DMXL2: variants seen among roughly 807,000 people sequenced by gnomAD.
The protein encoded by DMXL2 is Dmx like 2.
Under a neutral mutation model 331.1 loss-of-function variants are expected in DMXL2, and 103 were observed. The observed-to-expected ratio is 0.31, with a 90% CI of 0.27 to 0.37. The LOEUF (loss-of-function observed/expected upper bound fraction) is 0.37, where lower values mean the gene tolerates loss of function less well. DMXL2 is among the 10% of genes least tolerant of loss of function. The pLI, the probability that DMXL2 is intolerant of heterozygous loss-of-function variation, is 1.00. For missense variants in DMXL2, 3,171 were observed against 3,642.9 expected (o/e 0.87, Z 3.33); for synonymous variants, 1,281 against 1,252.1 (o/e 1.02, Z -0.49).
chr15:51,509,796 G>A (rs1031434531), intron 15 of DMXL2, among the ~76,000 whole-genome samples: 9 of 152,002 alleles, frequency 5.9e-5, no homozygotes, highest in African/African-American at 2.2e-4. Context: ...ACATCAATGC[G>A]AAAAACCTCA....
chr15:51,609,398 A>G (rs1215549785), intron 1 of DMXL2, among the ~76,000 whole-genome samples: 1 of 152,238 alleles, frequency 6.6e-6, no homozygotes, highest in Non-Finnish European at 1.5e-5. Context: ...TGTGCCACGT[A>G]ACATTCTACA....
Position 51,449,109 on chromosome 15 carries a change from C to T in DMXL2, c.9052G>A (p.Gly3018Arg). The change falls in exon 44 of 44, where the codon GGA becomes AGA. Residue 3018 changes from glycine (G) to arginine (R), a missense_variant. Gly to Arg is a moderately radical substitution (Grantham distance 125, BLOSUM62 -2). This residue lies in a region of DMXL2 where 766 missense variants were observed against 940.5 expected (regional missense o/e 0.81). Coordinates refer to ENST00000560891, the MANE Select transcript of DMXL2 (RefSeq NM_001378457.1). Reference protein sequence around the residue: ...KQSIFRNIGAGVMQIDIIQGN... With the variant: ...KQSIFRNIGARVMQIDIIQGN... ...TGGATGATGTCAATCTGCATGACTC[C>T]AGCCCCAATGTTTCGAAATATGGAC... 6.2e-7 allele frequency: 1 copy of T among 1,614,210 alleles called. No homozygotes were observed. The highest frequency in any genetic ancestry group is 8.5e-7 in the Non-Finnish European group (1 of 1,180,044).
At chr15:51,534,573 T>C (rs1391101085) in intron 13 of DMXL2, among the ~76,000 whole-genome samples, 2 of 152,162 alleles carry the variant, frequency 1.3e-5, no homozygotes, top group Non-Finnish European at 2.9e-5. Flanking sequence ...CAGAGGGGAA[T>C]AAAGCATCAG....
Position 51,514,458 on chromosome 15 carries a change from A to C in DMXL2, c.2628T>G (p.Phe876Leu), listed in dbSNP as rs769349376. ...EDMEKKETEI[F>L]FQPSQGYRPP... ...TTAAAGTACCTTGTGATGGCTGAAA[A>C]AATATTTCTGTTTCCTTTTTCTCCA... is the stretch of plus-strand genomic sequence containing the variant. Residue 876 changes from phenylalanine to leucine, a missense_variant, in exon 15 of 44, where the codon TTT becomes TTG. By Grantham distance (22) the Phe-to-Leu change is conservative. Transcript: ENST00000560891. 3 of 1,564,094 alleles carry C rather than the reference A, an allele frequency of 1.9e-6. No homozygotes were observed. In the Admixed American group the frequency reaches 5.5e-5, roughly 29 times the overall value.
At chr15:51,616,745 T>A (rs9920124) in intron 1 of DMXL2, among the ~76,000 whole-genome samples, 72,215 of 151,772 alleles carry the variant, frequency 0.48, 17,582 homozygotes, top group Non-Finnish European at 0.52. Flanking sequence ...CAAGCCAGCC[T>A]GGCCAACATC....
At chr15:51,545,115 T>C (rs2048820573) in intron 8 of DMXL2, among the ~76,000 whole-genome samples, 1 of 152,120 alleles carries the variant, frequency 6.6e-6, no homozygotes, top group Non-Finnish European at 1.5e-5. Context: ...AGCAGTTCAT[T>C]TGTGTCTAAT....
At chr15:51,573,387 A>T (rs955714528) in intron 2 of DMXL2, among the ~76,000 whole-genome samples, 3 of 152,230 alleles carry the variant, frequency 2.0e-5, no homozygotes, top group Non-Finnish European at 4.4e-5. Flanking sequence ...CTTTAAAGAC[A>T]CATGCACATG....
intron 1 of DMXL2, among the ~76,000 whole-genome samples, chr15:51,601,763 T>C (rs762974289): frequency 1.1e-4 from 16 of 152,212 alleles, no homozygotes; most frequent in Non-Finnish European, 2.2e-4. Flanking sequence ...CATCATTCTA[T>C]CAAATTCCAC....
intron 1 of DMXL2, among the ~76,000 whole-genome samples, chr15:51,577,257 T>C (rs576570278): frequency 1.3e-5 from 2 of 152,280 alleles, no homozygotes; most frequent in East Asian, 1.9e-4. Context: ...TAGCCAGGGC[T>C]GACATGTGAT....
At chr15:51,488,391 A>T (rs936659555) in intron 21 of DMXL2, among the ~76,000 whole-genome samples, 157 bp downstream of exon 21, 1 of 152,192 alleles carries the variant, frequency 6.6e-6, no homozygotes. Context: ...TAAGCTGAAA[A>T]GATATTTTAC....
chr15:51,595,015 C>A (rs924281025), intron 1 of DMXL2, among the ~76,000 whole-genome samples: 4 of 152,122 alleles, frequency 2.6e-5, no homozygotes, highest in Non-Finnish European at 5.9e-5. Flanking sequence ...TGGCACAAGA[C>A]AGGGATGTCC....
intron 1 of DMXL2, among the ~76,000 whole-genome samples, chr15:51,585,546 T>C (rs1320461398): frequency 2.0e-5 from 3 of 152,118 alleles, no homozygotes; most frequent in Non-Finnish European, 4.4e-5. Context: ...ATAGATGATA[T>C]ATGCGTATGT....
intron 1 of DMXL2, among the ~76,000 whole-genome samples, chr15:51,596,257 G>A (rs1016945046): frequency 4.2e-4 from 64 of 152,232 alleles, no homozygotes; most frequent in African/African-American, 1.3e-3. Context: ...AAAAGTGGGC[G>A]AAGGATATGA....
chr15:51,474,875 G>T (rs937833454), intron 27 of DMXL2, among the ~76,000 whole-genome samples: 4 of 152,114 alleles, frequency 2.6e-5, no homozygotes, highest in Non-Finnish European at 1.5e-5. Context: ...GAGTGATAGT[G>T]TTAGAAAATC....
chr15:51,546,405 A>G (rs1479824951), intron 7 of DMXL2, among the ~76,000 whole-genome samples: 1 of 152,184 alleles, frequency 6.6e-6, no homozygotes, highest in Non-Finnish European at 1.5e-5. Context: ...AGCAGAATAT[A>G]TTTAGATTCA....
chr15:51,544,260 T>C (rs2048768751), intron 8 of DMXL2, among the ~76,000 whole-genome samples: 1 of 152,160 alleles, frequency 6.6e-6, no homozygotes, highest in Non-Finnish European at 1.5e-5. Context: ...GGTGTTGGTA[T>C]TGCCTTTGCA....
chr15:51,578,387 A>G (rs891651402), intron 1 of DMXL2, among the ~76,000 whole-genome samples: 2 of 152,200 alleles, frequency 1.3e-5, no homozygotes, highest in Non-Finnish European at 2.9e-5. Flanking sequence ...ATTCACTCTT[A>G]CGGCTCAGTC....
At chr15:51,551,318 G>A (rs1258325803) in intron 6 of DMXL2, among the ~76,000 whole-genome samples, 1 of 152,044 alleles carries the variant, frequency 6.6e-6, no homozygotes, top group African/African-American at 2.4e-5. Context: ...AGGATAACTG[G>A]ATATAAGCAG....
chr15:51,489,154 T>C (rs923167094), intron 20 of DMXL2, among the ~76,000 whole-genome samples: 1 of 152,222 alleles, frequency 6.6e-6, no homozygotes, highest in Non-Finnish European at 1.5e-5. Context: ...TATGCAATCA[T>C]ACTGTCTTAA....
Sources: gnomAD v4.1 joint callset for allele counts (sites outside exome capture counted in the v4.1 genomes callset) on GRCh38, gnomAD v4.1.1 for gene constraint, gnomAD v4.1.1 regional missense constraint, MANE v1.5 for transcripts, NCBI Gene and HGNC (gene_info 2026-07-23, HGNC 2026-07-21) for gene names.